OR4F16: variants seen among roughly 807,000 people sequenced by gnomAD.
OR4F16 encodes the protein olfactory receptor 4F3/4F16/4F29.
chr1:712,289 G>A, the OR4F16 span, among the ~76,000 whole-genome samples: 53 of 86,838 alleles, frequency 6.1e-4, no homozygotes, highest in African/African-American at 1.9e-3. Flanking sequence ...GCAGCGGTGC[G>A]ATCTCAGCTC....
At chr1:691,164 A>G (rs1643057131), upstream of OR4F16, among the ~76,000 whole-genome samples, 2 of 151,598 alleles carry the variant, frequency 1.3e-5, no homozygotes, top group South Asian at 4.1e-4. Flanking sequence ...GTAAGAAATA[A>G]GTGATATAAT....
downstream of OR4F16, among the ~76,000 whole-genome samples, chr1:683,068 TC>T (rs1270210690): frequency 5.2e-5 from 7 of 133,494 alleles, no homozygotes; most frequent in African/African-American, 8.4e-5. Context: ...TAAAAATCGA[TC>T]CCCCCCAAAA....
At chr1:701,346 T>TATA in the OR4F16 span, among the ~76,000 whole-genome samples, 2 of 149,840 alleles carry the variant, frequency 1.3e-5, no homozygotes, top group Non-Finnish European at 2.9e-5. Context: ...CCTGGAATGA[T>TATA]ATAAAAAATA....
the OR4F16 span, among the ~76,000 whole-genome samples, chr1:701,534 G>A: frequency 6.6e-6 from 1 of 150,454 alleles, no homozygotes; most frequent in Non-Finnish European, 1.5e-5. Context: ...CTGCTCTGGT[G>A]AAGGTCTTTA....
chr1:676,448 GC>G, the OR4F16 span, among the ~76,000 whole-genome samples: 167 of 17,760 alleles, frequency 9.4e-3, 20 homozygotes, highest in East Asian at 0.2. Context: ...ACAGAGCCCA[GC>G]AAGCTAAGAT....
chr1:715,852 C>T, the OR4F16 span, among the ~76,000 whole-genome samples: 95 of 151,268 alleles, frequency 6.3e-4, 1 homozygote, highest in African/African-American at 2.2e-3. Flanking sequence ...AGAAAAATCA[C>T]TAAGCAAAAT....
At chr1:717,279 A>G in the OR4F16 span, among the ~76,000 whole-genome samples, 2 of 151,376 alleles carry the variant, frequency 1.3e-5, no homozygotes, top group African/African-American at 4.9e-5. Flanking sequence ...AGGGATCCAG[A>G]TAACATTAGC....
At chr1:701,461 G>T in the OR4F16 span, among the ~76,000 whole-genome samples, 3 of 149,968 alleles carry the variant, frequency 2.0e-5, no homozygotes, top group African/African-American at 7.5e-5. Context: ...TTATTTAGGG[G>T]TCTGAGAACA....
At chr1:702,052 A>C in the OR4F16 span, 1 of 146,610 alleles carries the variant, frequency 6.8e-6, no homozygotes, top group Non-Finnish European at 1.5e-5. Flanking sequence ...TTGAGATATG[A>C]GACCCACCAC....
At chr1:702,438 AT>A in the OR4F16 span, 3 of 144,398 alleles carry the variant, frequency 2.1e-5, no homozygotes, top group Non-Finnish European at 4.6e-5. Context: ...CCTAATTATG[AT>A]TTCTTTGTAT....
chr1:702,060 C>A, the OR4F16 span: 1 of 145,536 alleles, frequency 6.9e-6, no homozygotes, highest in Non-Finnish European at 1.5e-5. Context: ...TGAGACCCAC[C>A]ACTGGCTGGA....
chr1:679,908 CA>C, the OR4F16 span, among the ~76,000 whole-genome samples: 6 of 122,272 alleles, frequency 4.9e-5, no homozygotes, highest in African/African-American at 1.4e-4. Context: ...AGAGACACAA[CA>C]AAAAAAAAGA....
At chr1:717,227 G>A in the OR4F16 span, among the ~76,000 whole-genome samples, 1 of 150,830 alleles carries the variant, frequency 6.6e-6, no homozygotes, top group South Asian at 2.1e-4. Flanking sequence ...AAGATAATGG[G>A]AGAATGTTGA....
the OR4F16 span, among the ~76,000 whole-genome samples, chr1:692,575 GATGT>G: frequency 6.6e-6 from 1 of 152,140 alleles, no homozygotes; most frequent in Non-Finnish European, 1.5e-5. Flanking sequence ...CTATAAGTGT[GATGT>G]ATCAAATGGA....
At chr1:691,109 G>A (rs1202781844), upstream of OR4F16, among the ~76,000 whole-genome samples, 5 of 150,814 alleles carry the variant, frequency 3.3e-5, no homozygotes, top group Non-Finnish European at 5.9e-5. Flanking sequence ...ACATAAAATA[G>A]GGATAATAAT....
At chr1:690,097 T>G (rs1208552580), upstream of OR4F16, among the ~76,000 whole-genome samples, 2 of 117,590 alleles carry the variant, frequency 1.7e-5, no homozygotes, top group East Asian at 4.5e-4. Flanking sequence ...ATTATCGCCC[T>G]GTTGGACTCA....
At chr1:701,404 T>A in the OR4F16 span, among the ~76,000 whole-genome samples, 2 of 149,490 alleles carry the variant, frequency 1.3e-5, no homozygotes, top group African/African-American at 5.0e-5. Context: ...AGATTTTTGG[T>A]GTCAACTAAA....
At chr1:679,926 C>G in the OR4F16 span, among the ~76,000 whole-genome samples, 1 of 132,652 alleles carries the variant, frequency 7.5e-6, no homozygotes, top group Admixed American at 7.4e-5. Context: ...AAGAAAATTT[C>G]AAGCCAATAT....
At chr1:701,611 A>G in the OR4F16 span, among the ~76,000 whole-genome samples, 2 of 150,222 alleles carry the variant, frequency 1.3e-5, no homozygotes, top group South Asian at 4.2e-4. Flanking sequence ...AAAAAATGAT[A>G]TCATGTCTTT....
Sources: gnomAD v4.1 joint callset for allele counts (sites outside exome capture counted in the v4.1 genomes callset) on GRCh38, gnomAD v4.1.1 for gene constraint, MANE v1.5 for transcripts, NCBI Gene and HGNC (gene_info 2026-07-23, HGNC 2026-07-21) for gene names.